The following MYO1B variants were observed in gnomAD, a reference collection of about 807,000 sequenced individuals.
MYO1B encodes unconventional myosin-Ib.
MYO1B carries 72 observed loss-of-function variants against 159.7 expected under a neutral mutation model. That is an observed-to-expected ratio of 0.45 (90% CI 0.37 to 0.55). The LOEUF is 0.55. Ranked by LOEUF, MYO1B falls within the 20% of genes least tolerant of loss-of-function variation. The pLI, the probability that MYO1B is intolerant of heterozygous loss-of-function variation, is 0.00. For synonymous variants in MYO1B, 468 were observed against 473.8 expected (o/e 0.99, Z 0.16); for missense variants, 1,062 against 1,364.8 (o/e 0.78, Z 3.50).
intron 1 of MYO1B, among the ~76,000 whole-genome samples, chr2:191,264,282 A>G (rs1367939585): frequency 6.6e-6 from 1 of 152,218 alleles, no homozygotes; most frequent in African/African-American, 2.4e-5. Context: ...ATGTAAATGT[A>G]TAAATATCTC....
chr2:191,313,225 T>TTTTTTTTTTTTG, intron 3 of MYO1B, among the ~76,000 whole-genome samples: 1 of 77,392 alleles, frequency 1.3e-5, no homozygotes, highest in Non-Finnish European at 2.7e-5. Context: ...TTTTTTTTTT[T>TTTTTTTTTTTTG]TTGAGACGGA....
At chr2:191,300,371 G>A (rs1332484836) in intron 3 of MYO1B, among the ~76,000 whole-genome samples, 10 of 145,420 alleles carry the variant, frequency 6.9e-5, no homozygotes, top group Non-Finnish European at 1.0e-4. Flanking sequence ...TCGGAGTCTC[G>A]CTCGCTCTGT....
chr2:191,333,905 A>G (rs1378540567), intron 4 of MYO1B, among the ~76,000 whole-genome samples: 1 of 152,198 alleles, frequency 6.6e-6, no homozygotes, highest in African/African-American at 2.4e-5. Flanking sequence ...AAGGCAAGTT[A>G]GAAACTCTGT....
At chr2:191,360,127 G>C (rs1693569017) in intron 7 of MYO1B, among the ~76,000 whole-genome samples, 1 of 152,178 alleles carries the variant, frequency 6.6e-6, no homozygotes, top group African/African-American at 2.4e-5. Context: ...ACTGAGTTAT[G>C]TAAACTCCTG....
chr2:191,380,073 A>G (rs1208439899), intron 13 of MYO1B, among the ~76,000 whole-genome samples: 1 of 152,246 alleles, frequency 6.6e-6, no homozygotes, highest in African/African-American at 2.4e-5. Flanking sequence ...CATTAACAAG[A>G]TAAGTCACTG....
intron 8 of MYO1B, 33 bp from the exon 9 acceptor site, chr2:191,362,235 G>T: frequency 3.9e-6 from 6 of 1,532,104 alleles, no homozygotes; most frequent in Non-Finnish European, 5.4e-6. Context: ...ATTTATTGAA[G>T]CAACTTAACA....
At chr2:191,331,070 T>A (rs1242368126) in intron 4 of MYO1B, among the ~76,000 whole-genome samples, 1 of 152,220 alleles carries the variant, frequency 6.6e-6, no homozygotes, top group African/African-American at 2.4e-5. Flanking sequence ...TTACTCCACT[T>A]GCCTTAGGCG....
chr2:191,401,264 T>TA (rs1227916762), intron 23 of MYO1B, among the ~76,000 whole-genome samples: 2 of 152,210 alleles, frequency 1.3e-5, no homozygotes, highest in African/African-American at 4.8e-5. Flanking sequence ...ACATATGTCT[T>TA]AAAAATATTA....
At chr2:191,363,322 C>T (rs901665408) in intron 9 of MYO1B, among the ~76,000 whole-genome samples, 1 of 152,140 alleles carries the variant, frequency 6.6e-6, no homozygotes, top group Non-Finnish European at 1.5e-5. Flanking sequence ...GGGCTGGGCT[C>T]TTCACCTTTG....
chr2:191,393,635 G>T (rs567640640), intron 20 of MYO1B, among the ~76,000 whole-genome samples: 28 of 152,278 alleles, frequency 1.8e-4, no homozygotes, highest in Admixed American at 6.5e-4. Context: ...ATTCTTTATT[G>T]TAGCAGCTTT....
chr2:191,413,164 T>C (rs1404204260), intron 27 of MYO1B, among the ~76,000 whole-genome samples: 1 of 152,196 alleles, frequency 6.6e-6, no homozygotes, highest in East Asian at 1.9e-4. Flanking sequence ...TAAATTGAAG[T>C]CAATTTTTAT....
At chr2:191,350,721 A>T (rs972995835) in intron 7 of MYO1B, among the ~76,000 whole-genome samples, 1 of 151,960 alleles carries the variant, frequency 6.6e-6, no homozygotes, top group African/African-American at 2.4e-5. Context: ...TTGGAATGTG[A>T]TACACTTGTT....
chr2:191,333,699 CTCTT>C (rs997319542), intron 4 of MYO1B, among the ~76,000 whole-genome samples: 12 of 152,160 alleles, frequency 7.9e-5, no homozygotes, highest in Non-Finnish European at 1.5e-4. Context: ...CTCTCTCTCT[CTCTT>C]TATCTCTCTC....
At chr2:191,408,784 GC>G (rs1559243788) in intron 25 of MYO1B, among the ~76,000 whole-genome samples, 1 of 152,180 alleles carries the variant, frequency 6.6e-6, no homozygotes, top group Non-Finnish European at 1.5e-5. Context: ...GCTCTATAGA[GC>G]TAGCTGGTAT....
chr2:191,263,968 G>A (rs1248675950), intron 1 of MYO1B, among the ~76,000 whole-genome samples: 1 of 152,130 alleles, frequency 6.6e-6, no homozygotes, highest in Non-Finnish European at 1.5e-5. Flanking sequence ...TGATTTGTTT[G>A]TAGTGTCTTT....
At chr2:191,274,901 T>C (rs952854060) in intron 1 of MYO1B, among the ~76,000 whole-genome samples, 2 of 152,064 alleles carry the variant, frequency 1.3e-5, no homozygotes, top group African/African-American at 4.8e-5. Flanking sequence ...TCTGGGACTT[T>C]TCTTTCTTTC....
intron 5 of MYO1B, among the ~76,000 whole-genome samples, chr2:191,344,328 C>T (rs1173649702): frequency 6.6e-6 from 1 of 152,196 alleles, no homozygotes; most frequent in Non-Finnish European, 1.5e-5. Context: ...GGGAACCTCT[C>T]CAGCAAGCAT....
intron 13 of MYO1B, among the ~76,000 whole-genome samples, chr2:191,370,748 C>T (rs1174462191): frequency 3.3e-5 from 5 of 152,304 alleles, no homozygotes; most frequent in South Asian, 2.1e-4. Context: ...TCTGGCCTTG[C>T]CAGGGCTGGT....
At chr2:191,328,256 C>T (rs913013565) in intron 3 of MYO1B, among the ~76,000 whole-genome samples, 2 of 152,182 alleles carry the variant, frequency 1.3e-5, no homozygotes, top group African/African-American at 2.4e-5. Flanking sequence ...TTTATGGTTC[C>T]GTATGCCTTT....
Sources: allele counts gnomAD v4.1 joint callset (sites outside exome capture counted in the v4.1 genomes callset), GRCh38; gene constraint gnomAD v4.1.1; transcripts MANE v1.5; gene names NCBI Gene and HGNC (gene_info 2026-07-23, HGNC 2026-07-21).